Variants in PRP4K observed in about 807,000 individuals in gnomAD.
The protein encoded by PRP4K is serine/threonine-protein kinase PRP4 homolog.
the PRP4K span, chr6:4,049,034 G>A: frequency 3.1e-6 from 5 of 1,612,142 alleles, no homozygotes; most frequent in African/African-American, 2.7e-5. Flanking sequence ...TCTTCGGGCC[G>A]CTGGCATTGG....
chr6:4,051,145 A>G, the PRP4K span, among the ~76,000 whole-genome samples: 30 of 152,030 alleles, frequency 2.0e-4, no homozygotes, highest in African/African-American at 6.3e-4. Context: ...CCTGACCTCA[A>G]GTGATCCACC....
chr6:4,031,158 C>T, the PRP4K span, among the ~76,000 whole-genome samples: 16 of 152,092 alleles, frequency 1.1e-4, no homozygotes, highest in Admixed American at 3.9e-4. Context: ...AAAAAGAAAA[C>T]GGGCCCTTTG....
the PRP4K span, among the ~76,000 whole-genome samples, chr6:4,044,904 C>T: frequency 0.013 from 1,873 of 149,030 alleles, 37 homozygotes; most frequent in African/African-American, 0.044. Flanking sequence ...GCTCTGTCAC[C>T]GAGGCTGGAG....
the PRP4K span, among the ~76,000 whole-genome samples, chr6:4,059,889 C>T: frequency 6.6e-6 from 1 of 152,212 alleles, no homozygotes; most frequent in Non-Finnish European, 1.5e-5. Context: ...AAGTGATCCA[C>T]CTACCTTGGG....
chr6:4,027,660 T>C, the PRP4K span, among the ~76,000 whole-genome samples: 2 of 150,646 alleles, frequency 1.3e-5, no homozygotes, highest in Admixed American at 1.3e-4. Flanking sequence ...TAACATCTAT[T>C]CACTGTGTAA....
the PRP4K span, among the ~76,000 whole-genome samples, chr6:4,048,239 C>T: frequency 6.6e-6 from 1 of 151,894 alleles, no homozygotes. Context: ...ATAAGCCGGA[C>T]GTGGTGGCGG....
chr6:4,035,969 A>T, the PRP4K span, among the ~76,000 whole-genome samples: 1 of 152,034 alleles, frequency 6.6e-6, no homozygotes, highest in Non-Finnish European at 1.5e-5. Flanking sequence ...CCATCTCAAA[A>T]AATAATAATA....
chr6:4,041,754 A>C, the PRP4K span, among the ~76,000 whole-genome samples: 1 of 151,916 alleles, frequency 6.6e-6, no homozygotes, highest in Non-Finnish European at 1.5e-5. Flanking sequence ...ACACACACAC[A>C]CAAAAAGAAC....
chr6:4,035,206 T>TC, the PRP4K span, among the ~76,000 whole-genome samples: 2 of 150,138 alleles, frequency 1.3e-5, no homozygotes. Context: ...AACCTCTGCC[T>TC]CCTGGGTTCA....
chr6:4,032,231 A>G, the PRP4K span: 2 of 1,613,896 alleles, frequency 1.2e-6, no homozygotes, highest in African/African-American at 2.7e-5. Flanking sequence ...AAGCAAGGAA[A>G]TCAAAATCCC....
chr6:4,040,086 A>G, the PRP4K span, among the ~76,000 whole-genome samples: 8 of 151,286 alleles, frequency 5.3e-5, no homozygotes, highest in Non-Finnish European at 1.2e-4. Context: ...GGGTTTTGCC[A>G]TGTTGCCCAG....
the PRP4K span, chr6:4,062,276 C>T: frequency 6.6e-6 from 1 of 152,638 alleles, no homozygotes; most frequent in Non-Finnish European, 1.5e-5. The surrounding 1 kb of genome is among the most constrained non-coding windows in gnomAD (Gnocchi z 4.2). Flanking sequence ...TTTGCTGAGA[C>T]ACCAGCTTCA....
chr6:4,059,679 C>CCGA, the PRP4K span, among the ~76,000 whole-genome samples: 31 of 152,026 alleles, frequency 2.0e-4, no homozygotes, highest in South Asian at 4.1e-4. Flanking sequence ...CGCTCTGTCA[C>CCGA]CTGTCACCCA....
At chr6:4,024,733 G>C in the PRP4K span, among the ~76,000 whole-genome samples, 1 of 152,180 alleles carries the variant, frequency 6.6e-6, no homozygotes, top group East Asian at 1.9e-4. Flanking sequence ...CTCCCGAGTA[G>C]CTGGGATTAC....
chr6:4,032,380 G>A, the PRP4K span: 17 of 1,613,928 alleles, frequency 1.1e-5, no homozygotes, highest in African/African-American at 1.1e-4. Flanking sequence ...AGTCGCGATC[G>A]AGGTAAAAAA....
the PRP4K span, chr6:4,049,851 G>A: frequency 2.5e-6 from 4 of 1,614,132 alleles, no homozygotes; most frequent in East Asian, 8.9e-5. Context: ...AGAAGTGGCT[G>A]TAAAGATCAT....
At chr6:4,050,366 A>G in the PRP4K span, 10 of 738,720 alleles carry the variant, frequency 1.4e-5, no homozygotes, top group Admixed American at 9.2e-5. Flanking sequence ...AATTATAGCC[A>G]TATGTCATAT....
chr6:4,063,766 C>G, the PRP4K span: 5 of 152,144 alleles, frequency 3.3e-5, no homozygotes, highest in African/African-American at 1.2e-4. Flanking sequence ...TGGAACTCTG[C>G]AAGACCTACT....
At chr6:4,031,871 C>G in the PRP4K span, 13 of 1,613,940 alleles carry the variant, frequency 8.1e-6, no homozygotes, top group Non-Finnish European at 1.1e-5. Context: ...TGATTAAGGC[C>G]GAACTTGATA....
Sources: gnomAD v4.1 joint callset for allele counts (sites outside exome capture counted in the v4.1 genomes callset) on GRCh38, gnomAD v4.1.1 for gene constraint, Gnocchi (gnomAD v3.1) non-coding constraint, MANE v1.5 for transcripts, NCBI Gene and HGNC (gene_info 2026-07-23, HGNC 2026-07-21) for gene names.